ZNF423: variants seen among roughly 807,000 people sequenced by gnomAD.
ZNF423 encodes the protein zinc finger protein 423, also known as Ebf-associated zinc finger protein.
ZNF423 carries 12 observed loss-of-function variants against 95.8 expected under a neutral mutation model. That is an observed-to-expected ratio of 0.13 (90% CI 0.08 to 0.20). The LOEUF is 0.20. Among genes scored for constraint, ZNF423 ranks in the 10% least tolerant of loss-of-function variants. ZNF423 has a pLI of 1.00. For synonymous variants in ZNF423, 749 were observed against 711.9 expected, an observed-to-expected ratio of 1.05 and a Z score of -0.83; for missense variants, 1,316 against 1,737.1, an observed-to-expected ratio of 0.76 and a Z score of 4.31.
intron 5 of ZNF423, among the ~76,000 whole-genome samples, chr16:49,532,895 T>C (rs1454765273): frequency 6.6e-6 from 1 of 152,076 alleles, no homozygotes; most frequent in Admixed American, 6.5e-5. Context: ...TAAACCGACA[T>C]CGCATGTGCA....
At chr16:49,666,968 C>T (rs1190700844) in intron 3 of ZNF423, among the ~76,000 whole-genome samples, 6 of 152,174 alleles carry the variant, frequency 3.9e-5, no homozygotes, top group Admixed American at 1.3e-4. Context: ...GCCCCATCAC[C>T]GACTCCATCA....
intron 1 of ZNF423, among the ~76,000 whole-genome samples, chr16:49,836,623 CAT>C (rs1189166423): frequency 3.3e-5 from 5 of 152,098 alleles, no homozygotes; most frequent in Non-Finnish European, 7.4e-5. Flanking sequence ...GGATGGCGAA[CAT>C]AATGGTACCA....
At chr16:49,512,323 G>C (rs1398142201) in intron 7 of ZNF423, among the ~76,000 whole-genome samples, 1 of 152,230 alleles carries the variant, frequency 6.6e-6, no homozygotes, top group Admixed American at 6.5e-5. Context: ...GCAATGACTA[G>C]GGCTCACCAA....
chr16:49,491,417 C>G (rs1966957601), intron 7 of ZNF423, 113 bp from the exon 8 acceptor site: 1 of 1,356,906 alleles, frequency 7.4e-7, no homozygotes, highest in South Asian at 1.2e-5. Context: ...TCGATTATAA[C>G]AAAACAAAAT....
chr16:49,661,961 A>G (rs182004303), intron 3 of ZNF423, among the ~76,000 whole-genome samples: 14 of 152,308 alleles, frequency 9.2e-5, no homozygotes, highest in African/African-American at 3.4e-4. Context: ...CCGCAGGTTA[A>G]GCACACTGGC....
intron 3 of ZNF423, chr16:49,711,167 T>C (rs531664544): frequency 6.6e-6 from 1 of 152,138 alleles, no homozygotes; most frequent in African/African-American, 2.4e-5. Context: ...AATGTTGGAA[T>C]GAAGGAAAGA....
chr16:49,773,447 A>G (rs935956484), intron 2 of ZNF423, among the ~76,000 whole-genome samples: 1 of 152,152 alleles, frequency 6.6e-6, no homozygotes, highest in African/African-American at 2.4e-5. Flanking sequence ...CACCTGACAC[A>G]TGGGGATTTG....
chr16:49,658,494 C>T (rs2030013279), intron 3 of ZNF423, among the ~76,000 whole-genome samples: 1 of 152,256 alleles, frequency 6.6e-6, no homozygotes, highest in Admixed American at 6.5e-5. Flanking sequence ...TTCATGTTTC[C>T]ACCCCTAGAG....
chr16:49,804,444 C>T (rs2034630610), intron 1 of ZNF423, among the ~76,000 whole-genome samples: 1 of 152,112 alleles, frequency 6.6e-6, no homozygotes, highest in African/African-American at 2.4e-5. Context: ...GAAATCAATA[C>T]TAGAGGAAAT....
chr16:49,532,207 T>C (rs977319002), intron 5 of ZNF423, among the ~76,000 whole-genome samples: 1 of 152,194 alleles, frequency 6.6e-6, no homozygotes, highest in Admixed American at 6.5e-5. Flanking sequence ...GATGCGAGTA[T>C]ATCTTTGAAG....
chr16:49,857,505 G>T (rs150417628), upstream of ZNF423, among the ~76,000 whole-genome samples: 693 of 152,290 alleles, frequency 4.6e-3, 8 homozygotes, highest in African/African-American at 0.016. This position sits in a 1 kb window ranked among gnomAD's most constrained non-coding sequence, Gnocchi z 6.2. Flanking sequence ...ACGGAGTTGG[G>T]CTGCCCTAGT....
intron 3 of ZNF423, among the ~76,000 whole-genome samples, chr16:49,730,065 G>C (rs868704414): frequency 6.6e-6 from 1 of 152,086 alleles, no homozygotes; most frequent in African/African-American, 2.4e-5. Context: ...TGTCATCCCT[G>C]TAGCATGGCT....
chr16:49,528,439 T>C (rs1968703388), intron 5 of ZNF423, among the ~76,000 whole-genome samples: 1 of 152,054 alleles, frequency 6.6e-6, no homozygotes, highest in African/African-American at 2.4e-5. Context: ...AAAGTAAGGT[T>C]CCAGGCTAAT....
At chr16:49,775,208 G>T (rs2034101559) in intron 2 of ZNF423, among the ~76,000 whole-genome samples, 1 of 152,168 alleles carries the variant, frequency 6.6e-6, no homozygotes, top group Non-Finnish European at 1.5e-5. Flanking sequence ...TACTGAGATG[G>T]TTCCTGCTGT....
intron 5 of ZNF423, among the ~76,000 whole-genome samples, chr16:49,584,666 C>G (rs1370465001): frequency 6.6e-6 from 1 of 152,130 alleles, no homozygotes; most frequent in African/African-American, 2.4e-5. Context: ...GTGGCCACCC[C>G]CTCGCTGTGT....
chr16:49,631,787 A>G (rs1456362729), intron 4 of ZNF423, among the ~76,000 whole-genome samples: 1 of 152,210 alleles, frequency 6.6e-6, no homozygotes, highest in Non-Finnish European at 1.5e-5. Context: ...AGCACTTGCC[A>G]TGTGTGGGCA....
intron 7 of ZNF423, among the ~76,000 whole-genome samples, chr16:49,502,238 A>G (rs897855969): frequency 6.6e-6 from 1 of 152,148 alleles, no homozygotes; most frequent in African/African-American, 2.4e-5. Context: ...CAGATGGCCC[A>G]ACATTAGTTG....
At chr16:49,598,569 C>G (rs1033722158) in intron 5 of ZNF423, among the ~76,000 whole-genome samples, 3 of 152,248 alleles carry the variant, frequency 2.0e-5, no homozygotes, top group African/African-American at 7.2e-5. Flanking sequence ...CAGACCCCAG[C>G]TGGCTGGTGA....
At chr16:49,642,993 G>C (rs977875420) in intron 3 of ZNF423, among the ~76,000 whole-genome samples, 6 of 151,826 alleles carry the variant, frequency 4.0e-5, no homozygotes, top group African/African-American at 1.5e-4. Flanking sequence ...GCTAATTTTT[G>C]TATTTTTAGT....
Sources: allele counts gnomAD v4.1 joint callset (sites outside exome capture counted in the v4.1 genomes callset), GRCh38; gene constraint gnomAD v4.1.1; non-coding constraint Gnocchi (gnomAD v3.1); transcripts MANE v1.5; gene names NCBI Gene and HGNC (gene_info 2026-07-23, HGNC 2026-07-21).